The following SIKE1 variants were observed in gnomAD, a reference collection of about 807,000 sequenced individuals.
SIKE1 encodes the protein suppressor of IKBKE 1.
In SIKE1, 13 loss-of-function variants were observed where a neutral mutation model predicts 25.8. The ratio of observed to expected loss-of-function variants is 0.50; its 90% CI spans 0.33 to 0.80. SIKE1 has a LOEUF of 0.80. Ranked by LOEUF, SIKE1 falls within the 30% of genes least tolerant of loss-of-function variation. SIKE1 has a pLI of 0.02. For missense variants in SIKE1, 222 were observed against 252.4 expected, an observed-to-expected ratio of 0.88 and a Z score of 0.82; for synonymous variants, 86 against 95.5, an observed-to-expected ratio of 0.90 and a Z score of 0.58.
chr1:114,773,687 T>C lies in SIKE1; in HGVS notation c.*584A>G, dbSNP rs1316273215. 1 of 152,644 alleles carries C rather than the reference T, an allele frequency of 6.6e-6. No individual in the cohort carries two copies. The highest frequency in any genetic ancestry group is 1.5e-5 in the Non-Finnish European group (1 of 68,032). 9.5% of individuals were successfully genotyped at this position (152,644 alleles called of 1,614,324 possible). ...TATTTCCAAGTGTGTTTCCTGGGAC[T>C]AGCAGTAGGTTCTCTCAAATTAAAA... On this transcript the variant is annotated 3_prime_UTR_variant, in exon 5 of 5. Transcript: ENST00000060969.
Position 114,774,376 on chromosome 1 carries a change from G to GAAAA in SIKE1, c.523-8_523-5dup. 1 of 1,561,114 alleles carries GAAAA rather than the reference G, an allele frequency of 6.4e-7. No homozygotes were observed. The highest frequency in any genetic ancestry group is 8.7e-7 in the Non-Finnish European group (1 of 1,148,388). ...CTCGAAGTTCCTTATTTTCAAGCTG[G>GAAAA]AAAAAAAAAGGCATGTTTATTTCTG... On this transcript the variant is annotated splice_region_variant and splice_polypyrimidine_tract_variant and intron_variant, in intron 4 of 4. Transcript: ENST00000060969.
At chr1:114,777,180 T>TTAA (rs1662267597) in intron 3 of SIKE1, among the ~76,000 whole-genome samples, 1 of 151,996 alleles carries the variant, frequency 6.6e-6, no homozygotes, top group African/African-American at 2.4e-5. Context: ...CAGCACACCA[T>TTAA]CATGGCACAT....
chr1:114,776,870 G>A (rs942690747), intron 3 of SIKE1, among the ~76,000 whole-genome samples: 1 of 152,146 alleles, frequency 6.6e-6, no homozygotes, highest in African/African-American at 2.4e-5. Context: ...ATCAATGATA[G>A]ACTGGATTAA....
rs1182369943 is a variant in SIKE1 at position 114,769,725 on chromosome 1, T to C, written c.*4546A>G. 1 of 152,174 alleles carries C rather than the reference T, an allele frequency of 6.6e-6. No individual in the cohort carries two copies. The highest frequency in any genetic ancestry group is 1.5e-5 in the Non-Finnish European group (1 of 68,036). The allele number at this position is 152,174 out of a possible 1,614,324, so 9.4% of individuals were successfully genotyped here. A position where few individuals can be genotyped will look rare whatever the true frequency, so the allele number is the denominator to read the frequency against. On this transcript the variant is annotated 3_prime_UTR_variant, in exon 5 of 5. Coordinates refer to ENST00000060969, the MANE Select transcript of SIKE1 (RefSeq NM_025073.3). ...TCACTTTAGGGATACATATGTATTT[T>C]AGGTCTTTCTACATTCGAACAAATC...
At chr1:114,775,294 G>A (rs1306871656) in intron 4 of SIKE1, among the ~76,000 whole-genome samples, 2 of 152,094 alleles carry the variant, frequency 1.3e-5, no homozygotes, top group African/African-American at 4.8e-5. Flanking sequence ...GCCTGTGGTC[G>A]ACGAATCTTC....
In SIKE1 at chr1:114,770,406, A is replaced by T. The variant is rs897385391; in HGVS notation, c.*3865T>A. ...AGCAAGACTGTCTCAAAAAATAAAA[A>T]TAAAAAAATAGAATTAGAGGTTATC... On this transcript the variant is annotated 3_prime_UTR_variant, in exon 5 of 5. Transcript: ENST00000060969. The T allele has an allele frequency of 1.5e-5, 2 of 137,304 alleles. No homozygotes were observed. Among genetic ancestry groups the T allele is most frequent in the African/African-American group, 2.6e-5 (1 of 38,304 alleles). 8.5% of individuals were successfully genotyped at this position (137,304 alleles called of 1,614,324 possible).
At chr1:114,779,035 C>T (rs895575659) in intron 3 of SIKE1, 107 bp downstream of exon 3, 8 of 1,371,552 alleles carry the variant, frequency 5.8e-6, no homozygotes, top group East Asian at 2.4e-5. Context: ...ACGGCCTGGT[C>T]GACAAGAGCC....
chr1:114,776,303 A>T (rs1181955817), intron 4 of SIKE1, 43 bp downstream of exon 4: 3 of 1,214,450 alleles, frequency 2.5e-6, no homozygotes, highest in Non-Finnish European at 3.7e-6. Context: ...CCAGACTCGG[A>T]AAACTATGAA....
intron 4 of SIKE1, among the ~76,000 whole-genome samples, chr1:114,775,961 T>C (rs1662227541): frequency 6.6e-6 from 1 of 152,198 alleles, no homozygotes; most frequent in Non-Finnish European, 1.5e-5. Flanking sequence ...ATCTATTTCT[T>C]TTGGTATTTA....
chr1:114,777,197 A>C (rs1472797327), intron 3 of SIKE1, among the ~76,000 whole-genome samples: 2 of 152,138 alleles, frequency 1.3e-5, no homozygotes, highest in Non-Finnish European at 2.9e-5. Flanking sequence ...ACATGTATAC[A>C]TATGTTAACA....
chr1:114,769,827 T>TA lies in SIKE1; in HGVS notation c.*4443dup. 6.6e-6 allele frequency: 1 copy of TA among 152,312 alleles called. No individual in the cohort carries two copies. The highest frequency in any genetic ancestry group is 1.5e-5 in the Non-Finnish European group (1 of 68,016). 9.4% of individuals were successfully genotyped at this position (152,312 alleles called of 1,614,324 possible). ...GATAAAATACAAGCACTCATAATGT[T>TA]ATTCTTAAGTTAGGTGATGAGTTAT... On this transcript the variant is annotated 3_prime_UTR_variant, in exon 5 of 5. Coordinates refer to ENST00000060969, the MANE Select transcript of SIKE1 (RefSeq NM_025073.3).
rs1311576937 is a variant in SIKE1 at position 114,773,988 on chromosome 1, C to CA, written c.*282dup. 2 of 236,030 alleles carry CA rather than the reference C, an allele frequency of 8.5e-6. No homozygotes were observed. Among genetic ancestry groups the CA allele is most frequent in the South Asian group, 1.7e-4 (1 of 5,962 alleles). The allele number at this position is 236,030 out of a possible 1,614,324, so 14.6% of individuals were successfully genotyped here. A position where few individuals can be genotyped will look rare whatever the true frequency, so the allele number is the denominator to read the frequency against. On this transcript the variant is annotated 3_prime_UTR_variant, in exon 5 of 5. Coordinates refer to ENST00000060969, the MANE Select transcript of SIKE1 (RefSeq NM_025073.3). The stretch of plus-strand genomic sequence containing the variant: ...AAAGTTTCAGAGATGTGAAAAATAA[C>CA]AAAGAACTGAAAACATAGTTTATAT...
intron 2 of SIKE1, among the ~76,000 whole-genome samples, chr1:114,779,657 CT>C (rs1310103858): frequency 6.6e-6 from 1 of 152,204 alleles, no homozygotes; most frequent in Non-Finnish European, 1.5e-5. Flanking sequence ...TGAAACCCCT[CT>C]GGTAAACAAC....
rs1040484251 is a variant in SIKE1 at position 114,769,766 on chromosome 1, G to C, written c.*4505C>G. On this transcript the variant is annotated 3_prime_UTR_variant, in exon 5 of 5. Coordinates refer to ENST00000060969, the MANE Select transcript of SIKE1 (RefSeq NM_025073.3). ...CGAACAAATCTATTAAAAAGAGAGC[G>C]GGGGGGTCGGCAAAGATAGGAGAAG... 6.6e-6 allele frequency: 1 copy of C among 151,848 alleles called. No homozygotes were observed. The highest frequency in any genetic ancestry group is 1.5e-5 in the Non-Finnish European group (1 of 67,956). 9.4% of individuals were successfully genotyped at this position (151,848 alleles called of 1,614,324 possible). A position where few individuals can be genotyped will look rare whatever the true frequency, so the allele number is the denominator to read the frequency against.
At chr1:114,774,927 T>C (rs1242318462) in intron 4 of SIKE1, among the ~76,000 whole-genome samples, 1 of 152,176 alleles carries the variant, frequency 6.6e-6, no homozygotes, top group Non-Finnish European at 1.5e-5. Flanking sequence ...CAGATGAGGA[T>C]ACTCTGGCTC....
In SIKE1 at chr1:114,771,425, T is replaced by C. The variant is rs182226803; in HGVS notation, c.*2846A>G. On this transcript the variant is annotated 3_prime_UTR_variant, in exon 5 of 5. Coordinates refer to ENST00000060969, the MANE Select transcript of SIKE1 (RefSeq NM_025073.3). ...TCAAGTTAGTTAGTGATTAAAAATG[T>C]GCTTAAGACTCTGTCTGGGTTTGAA... 14 of 152,332 alleles carry C rather than the reference T, an allele frequency of 9.2e-5. No homozygotes were observed. The highest frequency in any genetic ancestry group is 3.1e-4 in the African/African-American group (13 of 41,578). The allele number at this position is 152,332 out of a possible 1,614,324, so 9.4% of individuals were successfully genotyped here. A position where few individuals can be genotyped will look rare whatever the true frequency, so the allele number is the denominator to read the frequency against.
rs1025265932 is a variant in SIKE1, at chr1:114,772,032, T to C, written c.*2239A>G. 2 of 152,156 alleles carry C rather than the reference T, an allele frequency of 1.3e-5. No homozygotes were observed. Among genetic ancestry groups the C allele is most frequent in the African/African-American group, 4.8e-5 (2 of 41,430 alleles). 9.4% of individuals were successfully genotyped at this position (152,156 alleles called of 1,614,324 possible). The stretch of plus-strand genomic sequence containing the variant: ...AATCCAATTATGCATAAGGTATTAA[T>C]ATAAGAATTATACATAAGATATTGA... On this transcript the variant is annotated 3_prime_UTR_variant, in exon 5 of 5. Transcript: ENST00000060969.
At chr1:114,776,648 A>AT (rs34656268) in intron 3 of SIKE1, among the ~76,000 whole-genome samples, 189 bp from the exon 4 acceptor site, 32,986 of 143,110 alleles carry the variant, frequency 0.23, 3,680 homozygotes, top group African/African-American at 0.3. Context: ...ATTCACGGAT[A>AT]TTTTTTTTTT....
rs1662117589 is a variant in SIKE1, at chr1:114,773,230, A to AT, written c.*1040dup. 1 of 152,112 alleles carries AT rather than the reference A, an allele frequency of 6.6e-6. No homozygotes were observed. Among genetic ancestry groups the AT allele is most frequent in the East Asian group, 1.9e-4 (1 of 5,200 alleles). The allele number at this position is 152,112 out of a possible 1,614,324, so 9.4% of individuals were successfully genotyped here. A position where few individuals can be genotyped will look rare whatever the true frequency, so the allele number is the denominator to read the frequency against. On this transcript the variant is annotated 3_prime_UTR_variant, in exon 5 of 5. Transcript: ENST00000060969. ...TTGCCTACACAGCATTATGAGTGTAATAATTTTCATTAGGTAACAAAACTG... is the reference window on the plus strand; with the variant it reads ...TTGCCTACACAGCATTATGAGTGTAATTAATTTTCATTAGGTAACAAAACTG...
Sources: gnomAD v4.1 joint callset for allele counts (sites outside exome capture counted in the v4.1 genomes callset) on GRCh38, gnomAD v4.1.1 for gene constraint, MANE v1.5 for transcripts, NCBI Gene and HGNC (gene_info 2026-07-23, HGNC 2026-07-21) for gene names.